The following CPNE2 variants were observed in gnomAD, a reference collection of about 807,000 sequenced individuals.
CPNE2 encodes copine 2.
In CPNE2, 42 loss-of-function variants were observed where a neutral mutation model predicts 69.7. The ratio of observed to expected loss-of-function variants is 0.60; its 90% CI spans 0.47 to 0.78. The LOEUF (loss-of-function observed/expected upper bound fraction) is 0.78, where lower values mean the gene tolerates loss of function less well. CPNE2 is among the 30% of genes least tolerant of loss of function. The pLI is 0.00. For synonymous variants in CPNE2, 294 were observed against 289.8 expected (o/e 1.01, Z -0.15); for missense variants, 587 against 732.0 (o/e 0.80, Z 2.29).
At chr16:57,140,463 C>T (rs1306405957) in intron 14 of CPNE2, among the ~76,000 whole-genome samples, 3 of 152,046 alleles carry the variant, frequency 2.0e-5, no homozygotes, top group Non-Finnish European at 2.9e-5. Context: ...TGAGCCACTG[C>T]ACCCACACCC....
intron 1 of CPNE2, among the ~76,000 whole-genome samples, chr16:57,099,524 T>C (rs2069599357): frequency 6.6e-6 from 1 of 151,862 alleles, no homozygotes; most frequent in Non-Finnish European, 1.5e-5. Flanking sequence ...TGTGTTCCAG[T>C]TGCTCTGCAT....
chr16:57,112,846 A>T (rs2069690494), intron 2 of CPNE2: 1 of 153,972 alleles, frequency 6.5e-6, no homozygotes, highest in African/African-American at 2.4e-5. Context: ...ACATGGTTTG[A>T]AAAAGGGTTT....
At chr16:57,107,811 T>C (rs1234798250) in intron 1 of CPNE2, among the ~76,000 whole-genome samples, 1 of 151,772 alleles carries the variant, frequency 6.6e-6, no homozygotes, top group Non-Finnish European at 1.5e-5. Flanking sequence ...TGCTCCCTCA[T>C]TGTGTTCCTG....
chr16:57,112,030 T>C (rs1328782225), intron 2 of CPNE2, among the ~76,000 whole-genome samples: 1 of 152,246 alleles, frequency 6.6e-6, no homozygotes, highest in Admixed American at 6.5e-5. Flanking sequence ...TATATGCATG[T>C]ATATTTCCCA....
Position 57,146,308 on chromosome 16 carries a change from G to C in CPNE2, c.1526G>C (p.Arg509Pro). 6.4e-7 allele frequency: 1 copy of C among 1,551,710 alleles called. No homozygotes were observed. Reference protein sequence around the residue: ...ARDIVQFVPFREFRNAAKETL... With the variant: ...ARDIVQFVPFPEFRNAAKETL... Reference sequence around the variant, plus strand: ...GATATTGTGCAGTTCGTTCCCTTTCGAGAGTTCCGCAACGTGAGTGTGGGC... The same window carrying C: ...GATATTGTGCAGTTCGTTCCCTTTCCAGAGTTCCGCAACGTGAGTGTGGGC... Residue 509 changes from arginine (R) to proline (P), a missense_variant, in exon 15 of 16, where the codon CGA becomes CCA. By Grantham distance (103) the Arg-to-Pro change is moderately radical. Around this residue, in one of 5 missense-constraint regions of CPNE2, gnomAD observed 185 missense variants for 252.3 expected, o/e 0.73. Coordinates refer to ENST00000290776, the MANE Select transcript of CPNE2 (RefSeq NM_152727.6). The surrounding 1 kb of genome is among the most constrained non-coding windows in gnomAD (Gnocchi z 4.4).
chr16:57,118,978 G>T (rs770544667), intron 5 of CPNE2, among the ~76,000 whole-genome samples: 22 of 151,976 alleles, frequency 1.4e-4, no homozygotes, highest in Admixed American at 3.9e-4. Flanking sequence ...CCTCAGGGTG[G>T]GGGGTTTCTG....
chr16:57,113,425 C>T lies in CPNE2; in HGVS notation c.318C>T (p.Asp106=), dbSNP rs767648402. 1.1e-5 allele frequency: 17 copies of T among 1,613,974 alleles called. No individual in the cohort carries two copies. The East Asian group carries it at 1.1e-4, about 11-fold the overall frequency. The change falls in exon 3 of 16, where the codon GAC becomes GAT. Residue 106 remains aspartate (D), a synonymous_variant. Coordinates refer to ENST00000290776, the MANE Select transcript of CPNE2 (RefSeq NM_152727.6). ...FDQDKSSMRL[D]EHDFLGQFSC... is the part of the protein sequence containing the mutation. ...AGGACAAGTCCAGTATGCGGCTGGA[C>T]GAGCATGACTTCCTGGGCCAGTTCT...
rs1285184686 is a variant in CPNE2, at chr16:57,130,280, G to A, written c.1116+2377G>A. Among the ~76,000 whole-genome samples the A allele has an allele frequency of 1.3e-5, 2 of 152,038 alleles. No homozygotes were observed. Among genetic ancestry groups the A allele is most frequent in the Non-Finnish European group, 2.9e-5 (2 of 68,004 alleles). ...TGTAATCCCAGCTACTCGGGAGGCT[G>A]AGGCAGGAAGATCCCTGGAGCCCAG... On this transcript the variant is annotated intron_variant, in intron 12 of 15. Transcript: ENST00000290776. This position sits in a 1 kb window ranked among gnomAD's most constrained non-coding sequence, Gnocchi z 4.1.
intron 12 of CPNE2, among the ~76,000 whole-genome samples, chr16:57,131,620 A>G (rs2069838906): frequency 6.6e-6 from 1 of 152,240 alleles, no homozygotes; most frequent in African/African-American, 2.4e-5. Flanking sequence ...GGGCTTGGCC[A>G]GGCTGGAGTG....
rs764028416 is a variant in CPNE2, at chr16:57,093,847, A to G, written c.-36+1057A>G. 13 of 336,868 alleles carry G rather than the reference A, an allele frequency of 3.9e-5. 1 individual carries two copies. Among genetic ancestry groups the G allele is most frequent in the Non-Finnish European group, 7.0e-5 (12 of 171,400 alleles). 20.9% of individuals were successfully genotyped at this position (336,868 alleles called of 1,614,324 possible). A position where few individuals can be genotyped will look rare whatever the true frequency, so the allele number is the denominator to read the frequency against. On this transcript the variant is annotated intron_variant, in intron 1 of 15. Coordinates refer to ENST00000290776, the MANE Select transcript of CPNE2 (RefSeq NM_152727.6). ...GGACTGCAGGGAGCCCATGGTTTTC[A>G]GGAAACAGGCGGTGTGCGCAGATTG...
At chr16:57,120,866 G>A (rs2069756516) in intron 7 of CPNE2, among the ~76,000 whole-genome samples, 2 of 152,168 alleles carry the variant, frequency 1.3e-5, no homozygotes, top group African/African-American at 2.4e-5. Context: ...GCCTGCACTA[G>A]AGGGTACAGC....
rs2069691092 is a variant in CPNE2 at position 57,112,960 on chromosome 16, C to T, written c.181-328C>T. 4 of 218,512 alleles carry T rather than the reference C, an allele frequency of 1.8e-5. No individual in the cohort carries two copies. In the Admixed American group the frequency reaches 2.3e-4, roughly 13 times the overall value. 13.5% of individuals were successfully genotyped at this position (218,512 alleles called of 1,614,324 possible). On this transcript the variant is annotated intron_variant, in intron 2 of 15. Coordinates refer to ENST00000290776, the MANE Select transcript of CPNE2 (RefSeq NM_152727.6). Reference sequence around the variant, plus strand: ...AAAGGGCCTTGTCCTCCATCTCTTACCCAGGCAGGGGCAGGGCCTGAGCTC... The same window carrying T: ...AAAGGGCCTTGTCCTCCATCTCTTATCCAGGCAGGGGCAGGGCCTGAGCTC...
chr16:57,140,071 C>G (rs1336486322), intron 14 of CPNE2, among the ~76,000 whole-genome samples: 2 of 152,120 alleles, frequency 1.3e-5, no homozygotes, highest in Non-Finnish European at 2.9e-5. Context: ...AGAAGGAGCT[C>G]AGAGTGCCAG....
intron 4 of CPNE2, among the ~76,000 whole-genome samples, chr16:57,116,176 C>T (rs1351721917): frequency 3.3e-5 from 5 of 152,144 alleles, no homozygotes; most frequent in African/African-American, 7.2e-5. Context: ...CCTGACCAAC[C>T]CTTCGGTTCA....
intron 14 of CPNE2, among the ~76,000 whole-genome samples, chr16:57,138,162 A>T (rs569566342): frequency 6.6e-6 from 1 of 152,124 alleles, no homozygotes; most frequent in African/African-American, 2.4e-5. Flanking sequence ...CTTGACTCCA[A>T]TTCCTTTCTG....
chr16:57,105,112 G>C (rs566864557), intron 1 of CPNE2, among the ~76,000 whole-genome samples: 8 of 152,198 alleles, frequency 5.3e-5, no homozygotes, highest in Non-Finnish European at 1.2e-4. Context: ...GTGCAGCTGA[G>C]CTTGCATCAG....
intron 1 of CPNE2, among the ~76,000 whole-genome samples, chr16:57,106,578 A>T (rs1202034618): frequency 6.6e-6 from 1 of 152,176 alleles, no homozygotes; most frequent in Non-Finnish European, 1.5e-5. Context: ...AAGCAGGTGA[A>T]TCTGGGCGTG....
At chr16:57,134,076 G>C (rs1457393486) in intron 12 of CPNE2, among the ~76,000 whole-genome samples, 1 of 152,166 alleles carries the variant, frequency 6.6e-6, no homozygotes, top group Non-Finnish European at 1.5e-5. Context: ...TCTATACCCC[G>C]AAGCCATGCG....
Position 57,137,170 on chromosome 16 carries a change from C to G in CPNE2, c.1190C>G (p.Ala397Gly). The G allele has an allele frequency of 6.2e-7, 1 of 1,614,184 alleles. No homozygotes were observed. The highest frequency in any genetic ancestry group is 8.5e-7 in the Non-Finnish European group (1 of 1,180,018). The change falls in exon 14 of 16, where the codon GCG becomes GGG. Residue 397 changes from alanine (A) to glycine (G), a missense_variant. Physicochemically the swap from Ala to Gly is moderately conservative, Grantham distance 60. Around this residue, in one of 5 missense-constraint regions of CPNE2, gnomAD observed 185 missense variants for 252.3 expected, o/e 0.73. Coordinates refer to ENST00000290776, the MANE Select transcript of CPNE2 (RefSeq NM_152727.6). ...GCAGGTGTGGATGGTATTGCCCAGG[C>G]GTACTCAGCTTGCCTGCCCCACATC... ...FCSGVDGIAQ[A>G]YSACLPHIRF...
Sources: allele counts gnomAD v4.1 joint callset (sites outside exome capture counted in the v4.1 genomes callset), GRCh38; gene constraint gnomAD v4.1.1; regional missense constraint gnomAD v4.1.1; non-coding constraint Gnocchi (gnomAD v3.1); transcripts MANE v1.5; gene names NCBI Gene and HGNC (gene_info 2026-07-23, HGNC 2026-07-21).